JHY: variants seen among roughly 807,000 people sequenced by gnomAD.
JHY encodes jhy protein homolog.
Under a neutral mutation model 78.0 loss-of-function variants are expected in JHY, and 69 were observed. That is an observed-to-expected ratio of 0.88 (90% CI 0.73 to 1.08). The LOEUF (loss-of-function observed/expected upper bound fraction) is 1.08. Ranked by LOEUF, JHY falls within the 50% of genes least tolerant of loss-of-function variation. The probability of loss-of-function intolerance (pLI) is 0.00; values close to 1 mark genes in which losing one functional copy is unlikely to be tolerated. For synonymous variants in JHY, 368 were observed against 342.6 expected (o/e 1.07, Z -0.82); for missense variants, 944 against 927.8 (o/e 1.02, Z -0.23).
At chr11:122,945,812 T>A (rs1397228438) in intron 5 of JHY, among the ~76,000 whole-genome samples, 1 of 152,164 alleles carries the variant, frequency 6.6e-6, no homozygotes, top group Non-Finnish European at 1.5e-5. Flanking sequence ...GTTGTTGGGT[T>A]TTTTGGAGAG....
At chr11:122,890,166 GC>G (rs1862581799) in intron 2 of JHY, among the ~76,000 whole-genome samples, 1 of 151,962 alleles carries the variant, frequency 6.6e-6, no homozygotes, top group South Asian at 2.1e-4. Context: ...AACAAGAGAA[GC>G]CAAAGATTAG....
At chr11:122,924,833 A>G in intron 3 of JHY, 64 bp from the exon 4 acceptor site, 1 of 1,299,110 alleles carries the variant, frequency 7.7e-7, no homozygotes, top group Non-Finnish European at 1.1e-6. Context: ...CACAGACTTG[A>G]GTCCCATGGC....
chr11:122,944,439 A>G (rs906488412), intron 5 of JHY, among the ~76,000 whole-genome samples: 4 of 152,180 alleles, frequency 2.6e-5, no homozygotes, highest in Non-Finnish European at 5.9e-5. Flanking sequence ...CTAGCATTAA[A>G]TTAATATTCC....
chr11:122,959,207 C>A, intron 8 of JHY, 41 bp from the exon 9 acceptor site: 1 of 1,572,440 alleles, frequency 6.4e-7, no homozygotes, highest in Non-Finnish European at 8.6e-7. Context: ...AATCCAGGCT[C>A]ACTTCCCATT....
chr11:122,929,948 A>G (rs910779355), intron 4 of JHY, among the ~76,000 whole-genome samples: 1 of 152,292 alleles, frequency 6.6e-6, no homozygotes, highest in South Asian at 2.1e-4. Flanking sequence ...TGAACAGAGC[A>G]ATTTCAGCGG....
At chr11:122,930,460 A>G (rs1863614335) in intron 4 of JHY, among the ~76,000 whole-genome samples, 1 of 152,224 alleles carries the variant, frequency 6.6e-6, no homozygotes. Flanking sequence ...ACTTAAATAC[A>G]TTTACATGCT....
rs1237320548 is a variant in JHY, at chr11:122,935,328, G to A, written c.1634+253G>A. Among the ~76,000 whole-genome samples the A allele has an allele frequency of 6.6e-6, 1 of 151,610 alleles. No individual in the cohort carries two copies. ...TGGCTCATTGCAACCTCCGCCTCCC[G>A]AGCTCAAGCAATTCTCCTGGCCCAG... On this transcript the variant is annotated intron_variant, in intron 5 of 8. Coordinates refer to ENST00000227349, the MANE Select transcript of JHY (RefSeq NM_024806.4). The surrounding 1 kb of genome is among the most constrained non-coding windows in gnomAD (Gnocchi z 4.5).
rs1357865465 is a variant in JHY, at chr11:122,898,417, C to T, written c.345-5508C>T. On this transcript the variant is annotated intron_variant, in intron 2 of 8. Transcript: ENST00000227349. The surrounding 1 kb of genome is among the most constrained non-coding windows in gnomAD (Gnocchi z 4.4). ...TGACCTTGGGAGATGTACATAAGCC[C>T]TCTAAGCCTCAGTTTCCTCGTCTGT... Among the ~76,000 whole-genome samples, 1 of 152,192 alleles carries T rather than the reference C, an allele frequency of 6.6e-6. No individual in the cohort carries two copies. The highest frequency in any genetic ancestry group is 1.5e-5 in the Non-Finnish European group (1 of 68,048).
At chr11:122,888,941 C>T (rs574189231) in intron 2 of JHY, among the ~76,000 whole-genome samples, 20 of 152,166 alleles carry the variant, frequency 1.3e-4, no homozygotes, top group East Asian at 1.9e-4. Context: ...TTCCAGTTTT[C>T]GTTATTTCAG....
intron 6 of JHY, among the ~76,000 whole-genome samples, chr11:122,950,587 T>C (rs1057392994): frequency 6.6e-6 from 1 of 151,886 alleles, no homozygotes; most frequent in African/African-American, 2.4e-5. Context: ...TGAGCCCTCA[T>C]TTCTTCATCT....
rs774829856 is a variant in JHY at position 122,957,480 on chromosome 11, C to T, written c.2128C>T (p.Pro710Ser). 2 of 1,532,026 alleles carry T rather than the reference C, an allele frequency of 1.3e-6. No homozygotes were observed. Among genetic ancestry groups the T allele is most frequent in the Non-Finnish European group, 8.7e-7 (1 of 1,151,606 alleles). 94.9% of individuals were successfully genotyped at this position (1,532,026 alleles called of 1,614,324 possible). The change falls in exon 8 of 9, where the codon CCT becomes TCT. Residue 710 changes from proline (P) to serine (S), a missense_variant. Transcript: ENST00000227349. ...TEKTQKKSAI[P>S]RQKALEYAKT... ...AAAAACTCAAAAGAAATCTGCTATC[C>T]CTCGGCAGAAGGTAAGAAATTCTCA...
At chr11:122,916,933 T>A (rs550283792) in intron 3 of JHY, among the ~76,000 whole-genome samples, 1 of 152,262 alleles carries the variant, frequency 6.6e-6, no homozygotes, top group Admixed American at 6.5e-5. Flanking sequence ...CTGGCCATAA[T>A]CGCTAGGTTT....
intron 5 of JHY, among the ~76,000 whole-genome samples, chr11:122,941,388 C>G (rs1863872710): frequency 6.6e-6 from 1 of 152,146 alleles, no homozygotes; most frequent in Admixed American, 6.6e-5. Context: ...TTTGTATCTC[C>G]TTTTTCCAAC....
chr11:122,951,109 C>T (rs1428950263), intron 6 of JHY, among the ~76,000 whole-genome samples: 4 of 152,146 alleles, frequency 2.6e-5, no homozygotes, highest in African/African-American at 7.2e-5. Flanking sequence ...TTGCTGGTCA[C>T]GTCAAATCTT....
chr11:122,936,188 A>T (rs1487302258), intron 5 of JHY, among the ~76,000 whole-genome samples: 2 of 152,216 alleles, frequency 1.3e-5, no homozygotes, highest in African/African-American at 4.8e-5. Flanking sequence ...CGTCCTTTCT[A>T]CATACCTAAC....
Position 122,960,598 on chromosome 11 carries a change from C to T in JHY, c.*1153C>T. On this transcript the variant is annotated 3_prime_UTR_variant, in exon 9 of 9. Coordinates refer to ENST00000227349, the MANE Select transcript of JHY (RefSeq NM_024806.4). ...ACTGGGCTTATCTTGTATGCTTTAT[C>T]CAAAGAAATATACATGATTACCCCA... The T allele has an allele frequency of 3.6e-6, 1 of 278,408 alleles. No individual in the cohort carries two copies. Among genetic ancestry groups the T allele is most frequent in the Admixed American group, 3.7e-5 (1 of 26,774 alleles). 17.2% of individuals were successfully genotyped at this position (278,408 alleles called of 1,614,324 possible). A position where few individuals can be genotyped will look rare whatever the true frequency, so the allele number is the denominator to read the frequency against.
Position 122,892,330 on chromosome 11 carries a change from T to G in JHY, c.344+6137T>G, listed in dbSNP as rs867719816. 7.0e-3 allele frequency among the ~76,000 whole-genome samples: 1,058 copies of G among 151,046 alleles called. 17 individuals are homozygous for G. Among genetic ancestry groups the G allele is most frequent in the African/African-American group, 0.023 (958 of 41,222 alleles). ...AAGGGACTCATAATAATCTGCATTT[T>G]TTTTTTTTTTGAGATGGAGTCTTGC... On this transcript the variant is annotated intron_variant, in intron 2 of 8. Transcript: ENST00000227349.
chr11:122,896,929 G>A (rs1009405120), intron 2 of JHY, among the ~76,000 whole-genome samples: 3 of 151,690 alleles, frequency 2.0e-5, no homozygotes, highest in Admixed American at 6.6e-5. Flanking sequence ...TGATCTCGGC[G>A]CACTGCACCC....
At chr11:122,916,764 G>A (rs1831670141) in intron 3 of JHY, among the ~76,000 whole-genome samples, 1 of 152,026 alleles carries the variant, frequency 6.6e-6, no homozygotes, top group Non-Finnish European at 1.5e-5. Flanking sequence ...CTCAGCCACC[G>A]AGTAGCTGGG....
Sources: allele counts gnomAD v4.1 joint callset (sites outside exome capture counted in the v4.1 genomes callset), GRCh38; gene constraint gnomAD v4.1.1; non-coding constraint Gnocchi (gnomAD v3.1); transcripts MANE v1.5; gene names NCBI Gene and HGNC (gene_info 2026-07-23, HGNC 2026-07-21).